UBTD2: variants seen among roughly 807,000 people sequenced by gnomAD.
UBTD2 encodes the protein ubiquitin domain containing 2.
Under a neutral mutation model 19.8 loss-of-function variants are expected in UBTD2, and 9 were observed. The observed-to-expected ratio is 0.46, with a 90% confidence interval of 0.27 to 0.79. The LOEUF (loss-of-function observed/expected upper bound fraction) is 0.79, where lower values mean the gene tolerates loss of function less well. Among genes scored for constraint, UBTD2 ranks in the 30% least tolerant of loss-of-function variants. The pLI, the probability that UBTD2 is intolerant of heterozygous loss-of-function variation, is 0.14. For missense variants in UBTD2, 250 were observed against 300.4 expected, an observed-to-expected ratio of 0.83 and a Z score of 1.24; for synonymous variants, 98 against 103.9, an observed-to-expected ratio of 0.94 and a Z score of 0.35.
intron 1 of UBTD2, among the ~76,000 whole-genome samples, chr5:172,251,465 C>CAAAAAAAAAAAAAAAAAAAAAACA (rs59810255): frequency 1.1e-5 from 1 of 91,958 alleles, no homozygotes; most frequent in African/African-American, 4.1e-5. Context: ...TCAAACTGTC[C>CAAAAAAAAAAAAAAAAAAAAAACA]AAAAAAAAAA....
chr5:172,240,159 A>G (rs1772097039), intron 1 of UBTD2, among the ~76,000 whole-genome samples: 1 of 152,220 alleles, frequency 6.6e-6, no homozygotes, highest in Non-Finnish European at 1.5e-5. Flanking sequence ...CCCTAGCCCT[A>G]TCTAATCTAC....
chr5:172,276,099 G>C (rs557726170), intron 1 of UBTD2, among the ~76,000 whole-genome samples: 1 of 152,290 alleles, frequency 6.6e-6, no homozygotes, highest in African/African-American at 2.4e-5. Context: ...GTAGGTCTAA[G>C]GCTCTGAATT....
chr5:172,276,135 G>C (rs570843325), intron 1 of UBTD2, among the ~76,000 whole-genome samples: 1 of 152,192 alleles, frequency 6.6e-6, no homozygotes, highest in African/African-American at 2.4e-5. Context: ...AGGTGATGCC[G>C]ATATTGCTGC....
At chr5:172,233,264 G>C (rs979702258) in intron 2 of UBTD2, among the ~76,000 whole-genome samples, 1 of 151,786 alleles carries the variant, frequency 6.6e-6, no homozygotes, top group African/African-American at 2.4e-5. Context: ...AAACAATGAA[G>C]GTACAATAAT....
intron 1 of UBTD2, among the ~76,000 whole-genome samples, chr5:172,248,525 T>C (rs1754928629): frequency 6.6e-6 from 1 of 151,760 alleles, no homozygotes; most frequent in African/African-American, 2.4e-5. Context: ...GAGGCGAAGG[T>C]TGCAGTGAGC....
chr5:172,225,030 G>A (rs575975519), intron 2 of UBTD2, among the ~76,000 whole-genome samples: 1 of 151,984 alleles, frequency 6.6e-6, no homozygotes, highest in African/African-American at 2.4e-5. Flanking sequence ...TTTTAACATA[G>A]TTCTAGCCAG....
At chr5:172,221,349 T>TA (rs1410729377) in intron 2 of UBTD2, among the ~76,000 whole-genome samples, 2 of 151,742 alleles carry the variant, frequency 1.3e-5, no homozygotes, top group Non-Finnish European at 2.9e-5. Flanking sequence ...ACCAAAGAAA[T>TA]AAAAAATTAG....
intron 1 of UBTD2, among the ~76,000 whole-genome samples, chr5:172,279,609 G>A (rs1755671308): frequency 6.6e-6 from 1 of 152,238 alleles, no homozygotes; most frequent in Non-Finnish European, 1.5e-5. Flanking sequence ...CTCAGAAAGT[G>A]AGAAGTTACT....
intron 1 of UBTD2, among the ~76,000 whole-genome samples, chr5:172,251,548 A>G (rs1755020351): frequency 6.6e-6 from 1 of 151,252 alleles, no homozygotes; most frequent in Non-Finnish European, 1.5e-5. Flanking sequence ...CATATAAGGG[A>G]CTTCCAATAT....
chr5:172,238,487 C>T (rs1050101763), intron 1 of UBTD2, among the ~76,000 whole-genome samples: 14 of 152,262 alleles, frequency 9.2e-5, no homozygotes, highest in East Asian at 5.8e-4. Context: ...TACTTCAAAA[C>T]GTGTCCAAAA....
intron 2 of UBTD2, among the ~76,000 whole-genome samples, chr5:172,216,735 AG>A (rs1771551659): frequency 1.3e-5 from 2 of 151,764 alleles, no homozygotes; most frequent in African/African-American, 4.8e-5. Flanking sequence ...ATGGGCAGAT[AG>A]CTTGAGATAG....
intron 1 of UBTD2, among the ~76,000 whole-genome samples, chr5:172,281,955 C>T (rs561669517): frequency 2.4e-4 from 37 of 152,272 alleles, no homozygotes; most frequent in African/African-American, 8.4e-4. Context: ...TAATAAATTA[C>T]CCAAAGCTAA....
In UBTD2 at chr5:172,210,753, G is replaced by A. The variant is rs1362074165; in HGVS notation, c.*1077C>T. ...AATCTTTCACACTTAAAAATTTTGA[G>A]TTGAAATTTCCTCTAAAAGACTGAA... On this transcript the variant is annotated 3_prime_UTR_variant, in exon 3 of 3. Transcript: ENST00000393792. 3.3e-5 allele frequency: 5 copies of A among 152,072 alleles called. No individual in the cohort carries two copies. The highest frequency in any genetic ancestry group is 5.9e-5 in the Non-Finnish European group (4 of 68,014). 9.4% of individuals were successfully genotyped at this position (152,072 alleles called of 1,614,324 possible). A position where few individuals can be genotyped will look rare whatever the true frequency, so the allele number is the denominator to read the frequency against.
At chr5:172,251,484 AAAT>A (rs1755018401) in intron 1 of UBTD2, among the ~76,000 whole-genome samples, 1 of 144,820 alleles carries the variant, frequency 6.9e-6, no homozygotes, top group Admixed American at 6.9e-5. Context: ...AAAAAAAAAA[AAAT>A]CAGAGATAAA....
At chr5:172,226,544 A>T (rs1232576615) in intron 2 of UBTD2, among the ~76,000 whole-genome samples, 1 of 152,204 alleles carries the variant, frequency 6.6e-6, no homozygotes, top group East Asian at 1.9e-4. Flanking sequence ...TCACAATCAG[A>T]CTTACAGGGC....
chr5:172,218,811 A>T (rs1202798846), intron 2 of UBTD2, among the ~76,000 whole-genome samples: 1 of 71,556 alleles, frequency 1.4e-5, no homozygotes. Flanking sequence ...AAAAAAAAAT[A>T]AAAAATAAAA....
chr5:172,276,464 C>G (rs1201567006), intron 1 of UBTD2, among the ~76,000 whole-genome samples: 2 of 152,180 alleles, frequency 1.3e-5, no homozygotes, highest in African/African-American at 2.4e-5. Flanking sequence ...CCAAGCTTTA[C>G]TTCATAACCA....
At chr5:172,240,012 A>G (rs776434535) in intron 1 of UBTD2, among the ~76,000 whole-genome samples, 13 of 152,266 alleles carry the variant, frequency 8.5e-5, no homozygotes, top group Non-Finnish European at 1.3e-4. Flanking sequence ...TAGCAAACCA[A>G]TAACGAAGAT....
At chr5:172,257,112 A>G (rs1454896594) in intron 1 of UBTD2, among the ~76,000 whole-genome samples, 1 of 152,168 alleles carries the variant, frequency 6.6e-6, no homozygotes, top group Non-Finnish European at 1.5e-5. Flanking sequence ...GTACCCAGTA[A>G]GTAGTTTTAT....
Sources: allele counts gnomAD v4.1 joint callset (sites outside exome capture counted in the v4.1 genomes callset), GRCh38; gene constraint gnomAD v4.1.1; transcripts MANE v1.5; gene names NCBI Gene and HGNC (gene_info 2026-07-23, HGNC 2026-07-21).